Variants in AGBL1 observed in about 807,000 individuals in gnomAD.
The protein encoded by AGBL1 is AGBL carboxypeptidase 1.
In AGBL1, 130 loss-of-function variants were observed where a neutral mutation model predicts 118.9. That is an observed-to-expected ratio of 1.09 (90% CI 0.95 to 1.26). The LOEUF is 1.26. Among genes scored for constraint, AGBL1 ranks in the 50% most tolerant of loss-of-function variants. AGBL1 has a pLI of 0.00. For synonymous variants in AGBL1, 555 were observed against 478.9 expected (o/e 1.16, Z -2.08); for missense variants, 1,584 against 1,298.1 (o/e 1.22, Z -3.38).
intron 22 of AGBL1, among the ~76,000 whole-genome samples, chr15:86,766,029 A>T (rs557571133): frequency 6.6e-6 from 1 of 152,120 alleles, no homozygotes; most frequent in East Asian, 1.9e-4. Context: ...CATAACCAAT[A>T]TTTACTGAGT....
chr15:86,233,580 T>C (rs558044146), intron 6 of AGBL1, among the ~76,000 whole-genome samples: 1 of 152,316 alleles, frequency 6.6e-6, no homozygotes, highest in Non-Finnish European at 1.5e-5. Context: ...TGAAAACCTC[T>C]GAAGTAAATA....
intron 17 of AGBL1, among the ~76,000 whole-genome samples, chr15:86,380,663 A>G (rs2081102347): frequency 6.6e-6 from 1 of 151,012 alleles, no homozygotes. Context: ...TAAACCCTGC[A>G]AGAAAAAAGA....
At chr15:86,228,803 CTG>C (rs1407172659) in intron 6 of AGBL1, among the ~76,000 whole-genome samples, 5 of 152,232 alleles carry the variant, frequency 3.3e-5, no homozygotes, top group Admixed American at 1.3e-4. Context: ...TTTCCCGTCT[CTG>C]TCTCTTTCTG....
At chr15:86,215,480 G>T (rs140978759) in intron 5 of AGBL1, among the ~76,000 whole-genome samples, 1 of 152,112 alleles carries the variant, frequency 6.6e-6, no homozygotes, top group Non-Finnish European at 1.5e-5. Flanking sequence ...TTAAATTCTA[G>T]GGCCACCTTC....
intron 22 of AGBL1, among the ~76,000 whole-genome samples, chr15:86,811,667 TCAGTCCCAAACAGTTTGGAACTCAAA>T (rs934153479): frequency 2.6e-5 from 4 of 152,186 alleles, no homozygotes; most frequent in Admixed American, 6.5e-5. Context: ...TTTAGAGGGC[TCAGTCCCAAACAGTTTGGAACTCAAA>T]CAGTCCCAAG....
chr15:86,288,617 G>C (rs1387452105), intron 16 of AGBL1, among the ~76,000 whole-genome samples: 3 of 151,896 alleles, frequency 2.0e-5, no homozygotes, highest in African/African-American at 7.3e-5. Context: ...AATCTAATGA[G>C]TTTTTAATAG....
At chr15:86,250,561 A>AAAACAAAAC (rs2078797990) in intron 7 of AGBL1, among the ~76,000 whole-genome samples, 1 of 131,696 alleles carries the variant, frequency 7.6e-6, no homozygotes, top group African/African-American at 3.1e-5. Flanking sequence ...AAAAAAAAAA[A>AAAACAAAAC]AAAAAAAAAA....
At chr15:86,734,647 G>T (rs1296308451) in intron 22 of AGBL1, among the ~76,000 whole-genome samples, 1 of 152,252 alleles carries the variant, frequency 6.6e-6, no homozygotes, top group African/African-American at 2.4e-5. Flanking sequence ...GTCACTGGTG[G>T]TTCCTATACT....
chr15:86,742,377 G>T (rs1265667132), intron 22 of AGBL1, among the ~76,000 whole-genome samples: 1 of 152,180 alleles, frequency 6.6e-6, no homozygotes, highest in Admixed American at 6.5e-5. Flanking sequence ...ATATATGACA[G>T]AAGTGACTAA....
At chr15:86,874,140 C>T (rs988011882) in intron 22 of AGBL1, among the ~76,000 whole-genome samples, 1 of 152,120 alleles carries the variant, frequency 6.6e-6, no homozygotes, top group Admixed American at 6.6e-5. Flanking sequence ...TAACTGCCTG[C>T]ATTATTTCCT....
rs2082108224 is a variant in AGBL1 at position 86,445,276 on chromosome 15, T to C, written c.2555+47730T>C. On this transcript the variant is annotated intron_variant, in intron 18 of 22. Coordinates refer to ENST00000614907, the MANE Select transcript of AGBL1 (RefSeq NM_001386094.1). ...GAGAGAAAGAAATCCATAAAGTGTG[T>C]GAATGTGCGATAGCCTTTGGTGCTT... 2.6e-5 allele frequency among the ~76,000 whole-genome samples: 4 copies of C among 152,338 alleles called. No individual in the cohort carries two copies. In the South Asian group the frequency reaches 8.3e-4, roughly 32 times the overall value.
chr15:86,814,695 A>G (rs1456615065), intron 22 of AGBL1, among the ~76,000 whole-genome samples: 3 of 152,176 alleles, frequency 2.0e-5, no homozygotes, highest in African/African-American at 7.2e-5. Context: ...GAGCTGCCAT[A>G]TCAGGCCAAC....
intron 22 of AGBL1, among the ~76,000 whole-genome samples, chr15:86,785,819 C>A (rs1596479123): frequency 6.6e-6 from 1 of 152,160 alleles, no homozygotes; most frequent in Admixed American, 6.5e-5. Context: ...TATAGGGCAA[C>A]TGAGTAGTCA....
intron 5 of AGBL1, among the ~76,000 whole-genome samples, chr15:86,213,657 G>A (rs917712396): frequency 6.6e-6 from 1 of 152,086 alleles, no homozygotes; most frequent in African/African-American, 2.4e-5. Context: ...TTGCCACACT[G>A]TACCCCTCTT....
At chr15:86,997,181 A>G (rs1355381935) in intron 24 of AGBL1, among the ~76,000 whole-genome samples, 1 of 152,012 alleles carries the variant, frequency 6.6e-6, no homozygotes, top group Non-Finnish European at 1.5e-5. Flanking sequence ...GTCTAATCAT[A>G]TTTCCTGGTC....
At chr15:86,981,181 A>T (rs187566252) in intron 23 of AGBL1, among the ~76,000 whole-genome samples, 6 of 152,258 alleles carry the variant, frequency 3.9e-5, no homozygotes, top group Admixed American at 2.0e-4. Flanking sequence ...TCTTATAAGT[A>T]TACTTTTGTT....
intron 22 of AGBL1, among the ~76,000 whole-genome samples, chr15:86,690,539 G>C (rs747903694): frequency 2.9e-4 from 44 of 152,234 alleles, no homozygotes; most frequent in Non-Finnish European, 5.3e-4. Context: ...ATTAACATGG[G>C]TAATCCACTG....
intron 22 of AGBL1, among the ~76,000 whole-genome samples, chr15:86,867,434 C>T (rs2079648359): frequency 6.6e-6 from 1 of 152,106 alleles, no homozygotes; most frequent in Admixed American, 6.6e-5. Flanking sequence ...TTACTGCTTG[C>T]CCCGAGGATG....
intron 17 of AGBL1, among the ~76,000 whole-genome samples, chr15:86,347,285 G>A (rs1345237569): frequency 6.6e-6 from 1 of 152,228 alleles, no homozygotes; most frequent in Non-Finnish European, 1.5e-5. Context: ...AGGATAACTA[G>A]ATGGTTACTA....
Sources: gnomAD v4.1 joint callset for allele counts (sites outside exome capture counted in the v4.1 genomes callset) on GRCh38, gnomAD v4.1.1 for gene constraint, MANE v1.5 for transcripts, NCBI Gene and HGNC (gene_info 2026-07-23, HGNC 2026-07-21) for gene names.